QPRT: variants seen among roughly 807,000 people sequenced by gnomAD.
QPRT encodes nicotinate-nucleotide pyrophosphorylase [carboxylating].
Under a neutral mutation model 19.8 loss-of-function variants are expected in QPRT, and 17 were observed. That is an observed-to-expected ratio of 0.86 (90% CI 0.59 to 1.29). QPRT has a LOEUF of 1.29. Ranked by LOEUF, QPRT falls within the 50% of genes most tolerant of loss-of-function variation. The pLI is 0.00. For synonymous variants in QPRT, 178 were observed against 191.0 expected (o/e 0.93, Z 0.56); for missense variants, 336 against 405.1 (o/e 0.83, Z 1.46).
intron 1 of QPRT, among the ~76,000 whole-genome samples, chr16:29,690,072 A>G (rs1398657854): frequency 6.6e-6 from 1 of 151,988 alleles, no homozygotes; most frequent in Non-Finnish European, 1.5e-5. Context: ...ATTCCCCTCT[A>G]TGTGTCCATG....
At chr16:29,680,151 G>A (rs1966954568) in intron 1 of QPRT, among the ~76,000 whole-genome samples, 1 of 151,930 alleles carries the variant, frequency 6.6e-6, no homozygotes, top group Admixed American at 6.6e-5. Context: ...TAGAGACGGG[G>A]TTTCACCATG....
chr16:29,682,433 C>T (rs542697408), intron 1 of QPRT, among the ~76,000 whole-genome samples: 138 of 152,110 alleles, frequency 9.1e-4, no homozygotes, highest in African/African-American at 3.0e-3. Flanking sequence ...AGTATAATGG[C>T]GTGATCTTGG....
chr16:29,696,075 T>G (rs1273671351), intron 2 of QPRT: 1 of 152,144 alleles, frequency 6.6e-6, no homozygotes. Context: ...TTCCCATCTG[T>G]GAAATGCCCT....
intron 1 of QPRT, among the ~76,000 whole-genome samples, chr16:29,683,780 G>GC (rs567249044): frequency 2.6e-4 from 39 of 152,238 alleles, no homozygotes; most frequent in Non-Finnish European, 4.6e-4. Flanking sequence ...GTTGGAATGG[G>GC]CCTGAGCATC....
chr16:29,694,409 G>A (rs928679081), intron 1 of QPRT, among the ~76,000 whole-genome samples: 2 of 152,014 alleles, frequency 1.3e-5, no homozygotes, highest in Non-Finnish European at 2.9e-5. Context: ...GTGAGCCACC[G>A]CGCCCGGCCC....
chr16:29,691,364 CAAAAAAAAAAAAAAA>C (rs537664108), intron 1 of QPRT, among the ~76,000 whole-genome samples: 2 of 51,886 alleles, frequency 3.9e-5, no homozygotes, highest in Non-Finnish European at 6.1e-5. Flanking sequence ...AGCTCTGCAT[CAAAAAAAAAAAAAAA>C]AAAAAAAAAA....
chr16:29,679,083 C>G (rs779874244), upstream of QPRT: 3 of 1,588,470 alleles, frequency 1.9e-6, no homozygotes, highest in Non-Finnish European at 2.6e-6. Flanking sequence ...TGGGAAGGGC[C>G]GGCTGACAGC....
intron 1 of QPRT, among the ~76,000 whole-genome samples, chr16:29,688,729 A>C (rs983315615): frequency 7.3e-5 from 11 of 150,910 alleles, no homozygotes; most frequent in African/African-American, 2.7e-4. Flanking sequence ...CATGTTGGAC[A>C]GGCTGGTCTT....
At chr16:29,682,117 A>G (rs898993832) in intron 1 of QPRT, among the ~76,000 whole-genome samples, 1 of 151,080 alleles carries the variant, frequency 6.6e-6, no homozygotes, top group African/African-American at 2.4e-5. Context: ...GTAGCCTCCA[A>G]CTTCTGGGCT....
intron 1 of QPRT, among the ~76,000 whole-genome samples, chr16:29,689,615 T>TAGGAACCAGACCGGAAACCA (rs575120949): frequency 1.3e-5 from 2 of 152,046 alleles, no homozygotes; most frequent in African/African-American, 4.8e-5. Flanking sequence ...GCCTGGTGCC[T>TAGGAACCAGACCGGAAACCA]AGGAACCAGA....
intron 1 of QPRT, among the ~76,000 whole-genome samples, chr16:29,686,052 G>C (rs900270422): frequency 6.6e-6 from 1 of 151,908 alleles, no homozygotes. Flanking sequence ...TAGAGACGGG[G>C]TTTCACCATG....
intron 1 of QPRT, among the ~76,000 whole-genome samples, chr16:29,682,242 T>G (rs1341192869): frequency 6.6e-6 from 1 of 151,932 alleles, no homozygotes; most frequent in African/African-American, 2.4e-5. Flanking sequence ...CTTGCTGTGT[T>G]GCCCAGGCTG....
upstream of QPRT, chr16:29,679,029 A>C (rs368693081): frequency 1.2e-4 from 133 of 1,150,936 alleles, no homozygotes; most frequent in African/African-American, 1.1e-3. Flanking sequence ...CCTGCTGAGG[A>C]ATCTGCAGGC....
chr16:29,679,197 C>A lies in QPRT; in HGVS notation c.-1C>A. 6.2e-7 allele frequency: 1 copy of A among 1,613,122 alleles called. No homozygotes were observed. On this transcript the variant is annotated 5_prime_UTR_variant, in exon 1 of 4. Transcript: ENST00000395384. The stretch of plus-strand genomic sequence containing the variant: ...ACCAGCCCAGACAGCTGCAAGTCAC[C>A]ATGGACGCTGAAGGTAAAGGGACAC...
intron 2 of QPRT, chr16:29,696,229 C>G (rs557218503): frequency 6.6e-6 from 1 of 152,250 alleles, no homozygotes; most frequent in Admixed American, 6.5e-5. Context: ...GTGGCTCATA[C>G]CTGTAATCCC....
chr16:29,693,515 T>A (rs1459788079), intron 1 of QPRT, among the ~76,000 whole-genome samples: 2 of 151,824 alleles, frequency 1.3e-5, no homozygotes, highest in Non-Finnish European at 2.9e-5. Context: ...TGCCTCAGCC[T>A]CCCAAAGTGC....
intron 1 of QPRT, 117 bp from the exon 2 acceptor site, chr16:29,694,547 T>C (rs1967455570): frequency 1.3e-5 from 10 of 741,966 alleles, no homozygotes; most frequent in South Asian, 9.0e-5. Context: ...CTGGGACCCC[T>C]AGATCTTGAG....
At chr16:29,679,600 C>A (rs184957309) in intron 1 of QPRT, among the ~76,000 whole-genome samples, 5 of 151,466 alleles carry the variant, frequency 3.3e-5, no homozygotes, top group African/African-American at 9.7e-5. Flanking sequence ...CCTGTCCCTT[C>A]TGCAGCTGGG....
At chr16:29,695,991 A>G (rs1967521809) in intron 2 of QPRT, 1 of 152,340 alleles carries the variant, frequency 6.6e-6, no homozygotes, top group Admixed American at 6.6e-5. Flanking sequence ...TCAAGAGCAA[A>G]GGACAACACA....
Sources: allele counts gnomAD v4.1 joint callset (sites outside exome capture counted in the v4.1 genomes callset), GRCh38; gene constraint gnomAD v4.1.1; transcripts MANE v1.5; gene names NCBI Gene and HGNC (gene_info 2026-07-23, HGNC 2026-07-21).